Variants in CENPI observed in about 807,000 individuals in gnomAD.
The protein encoded by CENPI is centromere protein I, also known as FSH primary response 1.
Under a neutral mutation model 60.4 loss-of-function variants are expected in CENPI, and 4 were observed. That is an observed-to-expected ratio of 0.07 (90% confidence interval 0.03 to 0.15). The LOEUF (loss-of-function observed/expected upper bound fraction) is 0.15, where lower values mean the gene tolerates loss of function less well. CENPI is among the 10% of genes least tolerant of loss of function. CENPI has a pLI of 1.00. For synonymous variants in CENPI, 157 were observed against 189.4 expected, an observed-to-expected ratio of 0.83 and a Z score of 1.40; for missense variants, 444 against 534.5, an observed-to-expected ratio of 0.83 and a Z score of 1.67.
chrX:101,140,375 A>G (rs1238580087), intron 15 of CENPI, among the ~76,000 whole-genome samples: 3 of 112,290 alleles, frequency 2.7e-5, no homozygotes, highest in African/African-American at 9.7e-5. Flanking sequence ...TTTTTATTTG[A>G]TGATGTAATA....
At chrX:101,179,823 A>G in the CENPI span, among the ~76,000 whole-genome samples, 2 of 112,273 alleles carry the variant, frequency 1.8e-5, no homozygotes, top group African/African-American at 6.5e-5. Context: ...CCCGGCCTGA[A>G]TGCCTGTTTT....
intron 16 of CENPI, 66 bp downstream of exon 16, chrX:101,140,826 T>A: frequency 1.3e-6 from 1 of 796,865 alleles, no homozygotes; most frequent in Non-Finnish European, 1.9e-6. Context: ...TGTTTAATAG[T>A]GTGGCGTGAA....
chrX:101,126,601 C>T, intron 8 of CENPI, 108 bp from the exon 9 acceptor site: 3 of 585,498 alleles, frequency 5.1e-6, no homozygotes, highest in Non-Finnish European at 8.4e-6. Flanking sequence ...ATAGCTATAT[C>T]TCAGCGAAAT....
intron 7 of CENPI, 77 bp downstream of exon 7, chrX:101,120,527 T>G: frequency 1.6e-6 from 1 of 626,617 alleles, no homozygotes; most frequent in Non-Finnish European, 2.6e-6. Flanking sequence ...TTAAAATAAC[T>G]ATTAGCATTA....
chrX:101,162,491 T>A (rs185241621), intron 21 of CENPI, among the ~76,000 whole-genome samples: 1,743 of 99,177 alleles, frequency 0.018, 46 homozygotes, highest in African/African-American at 0.063. Context: ...TATATATATA[T>A]AATTATCTCA....
At chrX:101,120,626 C>T in intron 7 of CENPI, 112 bp from the exon 8 acceptor site, 1 of 760,357 alleles carries the variant, frequency 1.3e-6, no homozygotes, top group South Asian at 2.6e-5. Flanking sequence ...GTATTTATTT[C>T]CTTGATATGT....
At chrX:101,109,360 C>A in intron 4 of CENPI, 113 bp from the exon 5 acceptor site, 1 of 577,484 alleles carries the variant, frequency 1.7e-6, no homozygotes, top group Non-Finnish European at 2.8e-6. Context: ...GGATTACAGG[C>A]ATGAGCTGCC....
chrX:101,161,303 T>A (rs2090105921), intron 20 of CENPI, among the ~76,000 whole-genome samples: 1 of 112,256 alleles, frequency 8.9e-6, no homozygotes, highest in Non-Finnish European at 1.9e-5. Flanking sequence ...TTACATAGTT[T>A]AAGAGTTTTC....
At chrX:101,115,495 C>T (rs1288737497) in intron 6 of CENPI, among the ~76,000 whole-genome samples, 1 of 110,636 alleles carries the variant, frequency 9.0e-6, no homozygotes, top group Non-Finnish European at 1.9e-5. Flanking sequence ...TTCAGAGTAG[C>T]TGGGACTACA....
chrX:101,157,425 A>G (rs777247325), intron 20 of CENPI, among the ~76,000 whole-genome samples: 10 of 110,933 alleles, frequency 9.0e-5, no homozygotes, highest in Non-Finnish European at 1.9e-5. Flanking sequence ...AGGTGGGAGG[A>G]TTGCGTGAGC....
intron 6 of CENPI, among the ~76,000 whole-genome samples, chrX:101,116,387 A>G (rs1457407053): frequency 2.7e-5 from 3 of 110,567 alleles, no homozygotes; most frequent in Non-Finnish European, 5.7e-5. Context: ...CCCGGATAAC[A>G]AAAGACTGGG....
intron 20 of CENPI, among the ~76,000 whole-genome samples, chrX:101,152,467 A>C (rs2090016388): frequency 9.1e-6 from 1 of 110,120 alleles, no homozygotes; most frequent in Non-Finnish European, 1.9e-5. Flanking sequence ...CCTGGGCTGG[A>C]GTGCAGTGGT....
At chrX:101,130,457 CT>C (rs963932598) in intron 13 of CENPI, among the ~76,000 whole-genome samples, 2 of 111,138 alleles carry the variant, frequency 1.8e-5, no homozygotes, top group African/African-American at 6.5e-5. Context: ...ACAAAAAACC[CT>C]TTTTTTTAGT....
At chrX:101,167,664 T>G (rs756348877), downstream of CENPI, among the ~76,000 whole-genome samples, 182 of 111,923 alleles carry the variant, frequency 1.6e-3, no homozygotes, top group Non-Finnish European at 2.5e-3. Context: ...CCTGTTTCAT[T>G]GCTTAAAATT....
downstream of CENPI, among the ~76,000 whole-genome samples, chrX:101,167,836 C>T (rs2090148107): frequency 8.9e-6 from 1 of 112,107 alleles, no homozygotes; most frequent in South Asian, 3.7e-4. Context: ...TGCAGAAGAG[C>T]TATTGTTATG....
chrX:101,179,524 CT>C, the CENPI span, among the ~76,000 whole-genome samples: 120 of 102,777 alleles, frequency 1.2e-3, no homozygotes, highest in Admixed American at 2.0e-3. Context: ...TTCTTTCTTT[CT>C]TTTTTTTTTT....
chrX:101,139,184 C>G (rs765916814), intron 15 of CENPI, among the ~76,000 whole-genome samples: 38 of 100,530 alleles, frequency 3.8e-4, no homozygotes, highest in African/African-American at 1.4e-3. Flanking sequence ...ACTCCGCCTT[C>G]CGGGCTCAAG....
chrX:101,178,051 G>A, the CENPI span, among the ~76,000 whole-genome samples: 3 of 111,621 alleles, frequency 2.7e-5, no homozygotes, highest in Non-Finnish European at 5.7e-5. Flanking sequence ...CTCAGGGCCT[G>A]AAAGAGTCTA....
Position 101,119,237 on chromosome X carries a change from A to G in CENPI, c.592-1165A>G, listed in dbSNP as rs185985183. ...TCATGCTTCTTAAAAGTATGTTTAG[A>G]TTCTTTCTCAAACCATTTCTAAGTA... is the stretch of plus-strand genomic sequence containing the variant. On this transcript the variant is annotated intron_variant, in intron 6 of 21. Coordinates refer to ENST00000682095, the MANE Select transcript of CENPI (RefSeq NM_001386188.2). Among the ~76,000 whole-genome samples, 60 of 112,356 alleles carry G rather than the reference A, an allele frequency of 5.3e-4. 1 individual carries two copies. In the East Asian group the frequency reaches 0.011, roughly 21 times the overall value.
Sources: gnomAD v4.1 joint callset for allele counts (sites outside exome capture counted in the v4.1 genomes callset) on GRCh38, gnomAD v4.1.1 for gene constraint, MANE v1.5 for transcripts, NCBI Gene and HGNC (gene_info 2026-07-23, HGNC 2026-07-21) for gene names.